The following RANBP2 variants were observed in gnomAD, a reference collection of about 807,000 sequenced individuals.
The protein encoded by RANBP2 is E3 SUMO-protein ligase RanBP2.
RANBP2 carries 57 observed loss-of-function variants against 303.6 expected under a neutral mutation model. The observed-to-expected ratio is 0.19, with a 90% confidence interval of 0.15 to 0.23. RANBP2 has a LOEUF of 0.23. RANBP2 is among the 10% of genes least tolerant of loss of function. The pLI is 1.00. For missense variants in RANBP2, 3,138 were observed against 3,780.8 expected, an observed-to-expected ratio of 0.83 and a Z score of 4.46; for synonymous variants, 1,167 against 1,301.5, an observed-to-expected ratio of 0.90 and a Z score of 2.23.
At chr2:108,884,619 ACAT>A in the RANBP2 span, 1 of 152,122 alleles carries the variant, frequency 6.6e-6, no homozygotes, top group African/African-American at 2.4e-5. Context: ...CACATAATAA[ACAT>A]CAGAAAGTCA....
the RANBP2 span, among the ~76,000 whole-genome samples, chr2:108,920,323 T>C: frequency 6.6e-6 from 1 of 152,198 alleles, no homozygotes; most frequent in Non-Finnish European, 1.5e-5. Context: ...TAACTTGTAA[T>C]GAAATCCAAG....
At chr2:109,603,707 C>T in the RANBP2 span, among the ~76,000 whole-genome samples, 1 of 152,082 alleles carries the variant, frequency 6.6e-6, no homozygotes, top group Non-Finnish European at 1.5e-5. Context: ...ATAATGAAAT[C>T]TACATAGTCA....
At chr2:109,347,179 C>G in the RANBP2 span, among the ~76,000 whole-genome samples, 5 of 152,206 alleles carry the variant, frequency 3.3e-5, no homozygotes, top group African/African-American at 4.8e-5. Flanking sequence ...TGCTAGAAGT[C>G]TGGCAGCTTC....
At chr2:109,702,898 C>G in the RANBP2 span, among the ~76,000 whole-genome samples, 64 of 151,488 alleles carry the variant, frequency 4.2e-4, no homozygotes, top group African/African-American at 1.5e-3. Flanking sequence ...CCTGTTCATT[C>G]CCAGACCTCA....
At chr2:109,666,281 G>A in the RANBP2 span, among the ~76,000 whole-genome samples, 1 of 152,132 alleles carries the variant, frequency 6.6e-6, no homozygotes, top group Admixed American at 6.5e-5. Flanking sequence ...AGGATGTGGT[G>A]CCCATTGTCC....
the RANBP2 span, among the ~76,000 whole-genome samples, chr2:109,609,338 GAAT>G: frequency 0.28 from 42,671 of 151,958 alleles, 6,251 homozygotes; most frequent in Admixed American, 0.4. Flanking sequence ...AGGATACAAA[GAAT>G]AATACAGGTT....
chr2:109,311,457 A>G, the RANBP2 span, among the ~76,000 whole-genome samples: 3 of 147,214 alleles, frequency 2.0e-5, no homozygotes, highest in East Asian at 2.1e-4. Flanking sequence ...CTCTCTCACC[A>G]CTCCTATTCA....
the RANBP2 span, among the ~76,000 whole-genome samples, chr2:109,195,436 T>C: frequency 1.3e-5 from 2 of 152,260 alleles, no homozygotes; most frequent in African/African-American, 4.8e-5. Flanking sequence ...CACTCATGCC[T>C]GAGTGTCAAC....
the RANBP2 span, among the ~76,000 whole-genome samples, chr2:108,927,866 T>C: frequency 5.2e-3 from 788 of 152,274 alleles, 7 homozygotes; most frequent in African/African-American, 0.018. Flanking sequence ...TATTTCCACA[T>C]GGCCAGTCAT....
the RANBP2 span, among the ~76,000 whole-genome samples, chr2:109,599,221 GC>G: frequency 1.3e-5 from 2 of 152,252 alleles, no homozygotes; most frequent in African/African-American, 4.8e-5. Context: ...ACTCTGGGAG[GC>G]CAAGACCGGT....
the RANBP2 span, among the ~76,000 whole-genome samples, chr2:109,623,927 G>C: frequency 6.6e-6 from 1 of 152,194 alleles, no homozygotes; most frequent in African/African-American, 2.4e-5. Flanking sequence ...GTGCTCAAGA[G>C]AGTTTTTGGC....
In RANBP2 at chr2:108,772,949, C is replaced by A. The variant is rs1385990098; in HGVS notation, c.8195C>A (p.Pro2732Gln). Residue 2732 changes from proline (P) to glutamine (Q), a missense_variant, in exon 23 of 29, where the codon CCA becomes CAA. Pro to Gln is a moderately conservative substitution (Grantham distance 76). Coordinates refer to ENST00000283195, the MANE Select transcript of RANBP2 (RefSeq NM_006267.5). ...EKAKADTLKL[P>Q]PTFFCGVCSD... ...GCAAAAGCAGATACGTTAAAACTTCCACCTACATTTTTTTGTGGAGTCTGT... is the reference window on the plus strand; with the variant it reads ...GCAAAAGCAGATACGTTAAAACTTCAACCTACATTTTTTTGTGGAGTCTGT... 2 of 1,613,956 alleles carry A rather than the reference C, an allele frequency of 1.2e-6. No individual in the cohort carries two copies. The highest frequency in any genetic ancestry group is 1.1e-5 in the South Asian group (1 of 91,072).
the RANBP2 span, among the ~76,000 whole-genome samples, chr2:109,320,294 G>T: frequency 6.6e-6 from 1 of 152,194 alleles, no homozygotes; most frequent in South Asian, 2.1e-4. Context: ...CCTGTTCTCT[G>T]CACAGCAGCC....
At chr2:109,571,114 GGTCATATAAGACAT>G in the RANBP2 span, among the ~76,000 whole-genome samples, 1 of 152,062 alleles carries the variant, frequency 6.6e-6, no homozygotes, top group Non-Finnish European at 1.5e-5. Flanking sequence ...CTCCTTCTCA[GGTCATATAAGACAT>G]GCCTGCTTCC....
the RANBP2 span, among the ~76,000 whole-genome samples, chr2:109,717,417 A>G: frequency 7.2e-5 from 11 of 152,094 alleles, no homozygotes; most frequent in African/African-American, 2.7e-4. Flanking sequence ...TCCCGTCTCA[A>G]CTAAAAATAC....
chr2:109,521,556 A>C, the RANBP2 span, among the ~76,000 whole-genome samples: 3 of 152,232 alleles, frequency 2.0e-5, no homozygotes, highest in Non-Finnish European at 4.4e-5. Context: ...GCTGGCACTC[A>C]GTGCATGCTC....
chr2:108,873,652 AG>A, the RANBP2 span: 1 of 1,174,366 alleles, frequency 8.5e-7, no homozygotes, highest in Non-Finnish European at 1.2e-6. Context: ...CATTTAAACC[AG>A]GGGTTTTAAT....
the RANBP2 span, among the ~76,000 whole-genome samples, chr2:108,870,966 T>C: frequency 6.6e-6 from 1 of 152,226 alleles, no homozygotes; most frequent in Admixed American, 6.5e-5. Context: ...ATAAGTGTTA[T>C]GCATATTTAA....
At chr2:109,062,365 C>T in the RANBP2 span, among the ~76,000 whole-genome samples, 1 of 152,158 alleles carries the variant, frequency 6.6e-6, no homozygotes, top group African/African-American at 2.4e-5. Context: ...ATGGATGTGT[C>T]TGAGGAAGAG....
Sources: gnomAD v4.1 joint callset for allele counts (sites outside exome capture counted in the v4.1 genomes callset) on GRCh38, gnomAD v4.1.1 for gene constraint, MANE v1.5 for transcripts, NCBI Gene and HGNC (gene_info 2026-07-23, HGNC 2026-07-21) for gene names.